Variants in LASP1 observed in about 807,000 individuals in gnomAD.
LASP1 encodes LIM and SH3 domain protein 1.
LASP1 carries 10 observed loss-of-function variants against 38.6 expected under a neutral mutation model. The observed-to-expected ratio is 0.26, with a 90% CI of 0.16 to 0.44. LASP1 has a LOEUF of 0.44. Among genes scored for constraint, LASP1 ranks in the 20% least tolerant of loss-of-function variants. The probability of loss-of-function intolerance (pLI) is 1.00; values close to 1 mark genes in which losing one functional copy is unlikely to be tolerated. For missense variants in LASP1, 243 were observed against 375.7 expected, an observed-to-expected ratio of 0.65 and a Z score of 2.92; for synonymous variants, 132 against 140.8, an observed-to-expected ratio of 0.94 and a Z score of 0.44.
chr17:38,892,969 G>C (rs1255703090), intron 3 of LASP1, among the ~76,000 whole-genome samples: 1 of 151,534 alleles, frequency 6.6e-6, no homozygotes, highest in African/African-American at 2.4e-5. Context: ...ATGTGTGTGT[G>C]TGTGCGTGTG....
Position 38,892,957 on chromosome 17 carries a change from GTA to G in LASP1, c.249+2455_249+2456del, listed in dbSNP as rs544067112. On this transcript the variant is annotated intron_variant, in intron 3 of 6. Coordinates refer to ENST00000318008, the MANE Select transcript of LASP1 (RefSeq NM_006148.4). Reference sequence around the variant, plus strand: ...TGAGGGCCAGAGCGTGTCCGTGTGTGTATGTGTGTGTGTGTGCGTGTGCACGC... The same window carrying G: ...TGAGGGCCAGAGCGTGTCCGTGTGTGTGTGTGTGTGTGTGCGTGTGCACGC... Among the ~76,000 whole-genome samples the G allele has an allele frequency of 2.6e-4, 40 of 152,190 alleles. 1 individual carries two copies. The South Asian group carries it at 7.3e-3, about 28-fold the overall frequency.
At position 38,870,059 on chromosome 17, in the gene LASP1, C is replaced by G; in HGVS notation, c.-131C>G. ...AGGGGAAGGAGGGCGGAGGCGGAGG[C>G]CAGTTCCCCAGCTCCAGCCGCCGTC... On this transcript the variant is annotated 5_prime_UTR_variant, in exon 1 of 7. Transcript: ENST00000318008. 2 of 925,090 alleles carry G rather than the reference C, an allele frequency of 2.2e-6. No individual in the cohort carries two copies. The highest frequency in any genetic ancestry group is 3.4e-6 in the Non-Finnish European group (2 of 590,902). 57.3% of individuals were successfully genotyped at this position (925,090 alleles called of 1,614,324 possible).
chr17:38,892,579 C>T (rs1914363881), intron 3 of LASP1, among the ~76,000 whole-genome samples: 1 of 151,374 alleles, frequency 6.6e-6, no homozygotes, highest in Non-Finnish European at 1.5e-5. Flanking sequence ...CACACACACA[C>T]ACACACACAC....
intron 1 of LASP1, among the ~76,000 whole-genome samples, chr17:38,872,552 C>T (rs1365248563): frequency 6.6e-6 from 1 of 152,182 alleles, no homozygotes; most frequent in Non-Finnish European, 1.5e-5. Flanking sequence ...TCTCCACCTG[C>T]TCCAGGCAGT....
intron 3 of LASP1, among the ~76,000 whole-genome samples, chr17:38,890,831 T>C (rs1914294896): frequency 6.6e-6 from 1 of 152,104 alleles, no homozygotes; most frequent in South Asian, 2.1e-4. Flanking sequence ...AAGGAGGGGT[T>C]TGGGGAGGAC....
chr17:38,882,626 C>T (rs1913988659), intron 2 of LASP1, among the ~76,000 whole-genome samples: 1 of 152,144 alleles, frequency 6.6e-6, no homozygotes, highest in Non-Finnish European at 1.5e-5. Context: ...ATATTTATGC[C>T]CTCCATTACT....
chr17:38,916,389 CT>C (rs1253532502), intron 6 of LASP1: 1 of 142,862 alleles, frequency 7.0e-6, no homozygotes, highest in Non-Finnish European at 1.5e-5. Flanking sequence ...GTGAAACCCC[CT>C]GTCTACCAAA....
intron 2 of LASP1, among the ~76,000 whole-genome samples, chr17:38,880,112 G>A (rs894160832): frequency 3.3e-5 from 5 of 152,152 alleles, no homozygotes; most frequent in Non-Finnish European, 5.9e-5. Context: ...TTGGGTAGTG[G>A]GGTGGGGTTC....
intron 4 of LASP1, among the ~76,000 whole-genome samples, chr17:38,899,800 A>G (rs1306562980): frequency 7.0e-6 from 1 of 142,092 alleles, no homozygotes; most frequent in African/African-American, 2.6e-5. Flanking sequence ...GCTGGAGTGC[A>G]GTGGTGCTCC....
intron 1 of LASP1, among the ~76,000 whole-genome samples, chr17:38,872,758 C>T (rs776366956): frequency 6.6e-6 from 1 of 152,172 alleles, no homozygotes; most frequent in Non-Finnish European, 1.5e-5. Flanking sequence ...ACTCAGCCCA[C>T]TACGTGGCCC....
At chr17:38,876,041 A>T (rs1393316492) in intron 1 of LASP1, among the ~76,000 whole-genome samples, 1 of 152,044 alleles carries the variant, frequency 6.6e-6, no homozygotes, top group Non-Finnish European at 1.5e-5. Flanking sequence ...TTTGGTGGTG[A>T]TCCAGCACAT....
intron 4 of LASP1, among the ~76,000 whole-genome samples, chr17:38,906,399 C>T (rs974077044): frequency 5.3e-5 from 8 of 152,060 alleles, no homozygotes; most frequent in African/African-American, 1.7e-4. Context: ...CATGGTGGTG[C>T]ACCCCTGTAG....
At chr17:38,891,859 C>T (rs1358862564) in intron 3 of LASP1, among the ~76,000 whole-genome samples, 6 of 152,090 alleles carry the variant, frequency 3.9e-5, no homozygotes, top group Admixed American at 2.0e-4. Context: ...CTCTGGGAGG[C>T]CAAGGTAAGA....
At chr17:38,879,161 C>CTTTTTTTTTTTT (rs55952948) in intron 2 of LASP1, among the ~76,000 whole-genome samples, 1 of 123,712 alleles carries the variant, frequency 8.1e-6, no homozygotes, top group Non-Finnish European at 1.6e-5. Context: ...TTTTAATTTG[C>CTTTTTTTTTTTT]TTTTTTTTTT....
chr17:38,882,881 C>G (rs1913995901), intron 2 of LASP1, among the ~76,000 whole-genome samples: 1 of 152,144 alleles, frequency 6.6e-6, no homozygotes, highest in Non-Finnish European at 1.5e-5. Context: ...TTCCCCTCTT[C>G]TCTGACTGCA....
intron 2 of LASP1, among the ~76,000 whole-genome samples, chr17:38,878,604 A>G: frequency 6.6e-6 from 1 of 152,044 alleles, no homozygotes. Flanking sequence ...TGTTCTGTTT[A>G]CCTTCCCTTA....
intron 3 of LASP1, among the ~76,000 whole-genome samples, chr17:38,893,816 G>T (rs780359009): frequency 2.6e-5 from 4 of 152,162 alleles, no homozygotes; most frequent in African/African-American, 7.2e-5. Context: ...TGGCTGCCGT[G>T]GGGGCAGAGC....
At chr17:38,892,551 G>GACACACACACACACACAC (rs530593526) in intron 3 of LASP1, among the ~76,000 whole-genome samples, 1 of 143,746 alleles carries the variant, frequency 7.0e-6, no homozygotes, top group Non-Finnish European at 1.5e-5. Flanking sequence ...GGTCTTTGGA[G>GACACACACACACACACAC]ACACACACAC....
chr17:38,885,096 G>A (rs8075510), intron 2 of LASP1, among the ~76,000 whole-genome samples: 65,268 of 151,996 alleles, frequency 0.43, 15,239 homozygotes, highest in African/African-American at 0.62. Flanking sequence ...TTTGAAGGAT[G>A]AAGTGCTTTG....
Sources: gnomAD v4.1 joint callset for allele counts (sites outside exome capture counted in the v4.1 genomes callset) on GRCh38, gnomAD v4.1.1 for gene constraint, MANE v1.5 for transcripts, NCBI Gene and HGNC (gene_info 2026-07-23, HGNC 2026-07-21) for gene names.